The following TNS1 variants were observed in gnomAD, a reference collection of about 807,000 sequenced individuals.
TNS1 encodes the protein tensin 1.
In TNS1, 62 loss-of-function variants were observed where a neutral mutation model predicts 168.6. The observed-to-expected ratio is 0.37, with a 90% CI of 0.30 to 0.45. TNS1 has a LOEUF of 0.45. Ranked by LOEUF, TNS1 falls within the 20% of genes least tolerant of loss-of-function variation. The probability of loss-of-function intolerance (pLI) is 1.00; values close to 1 mark genes in which losing one functional copy is unlikely to be tolerated. For synonymous variants in TNS1, 934 were observed against 933.2 expected (o/e 1.00, Z -0.02); for missense variants, 2,240 against 2,339.4 (o/e 0.96, Z 0.88).
chr2:217,954,169 G>A (rs1300589540), intron 3 of TNS1, among the ~76,000 whole-genome samples: 1 of 152,206 alleles, frequency 6.6e-6, no homozygotes, highest in Non-Finnish European at 1.5e-5. Flanking sequence ...GCGAGGCAGT[G>A]CCGCATGTGG....
At chr2:217,936,891 TC>T in intron 3 of TNS1, 1 of 454,138 alleles carries the variant, frequency 2.2e-6, no homozygotes, top group Non-Finnish European at 4.4e-6. Flanking sequence ...GAAATATGAA[TC>T]CTATTTTACA....
At chr2:217,954,270 T>A (rs1575134502) in intron 3 of TNS1, among the ~76,000 whole-genome samples, 1 of 152,296 alleles carries the variant, frequency 6.6e-6, no homozygotes, top group South Asian at 2.1e-4. Flanking sequence ...TGGGTCTCCA[T>A]CTTGTTGCTA....
At chr2:217,824,961 A>T (rs778033325) in intron 22 of TNS1, among the ~76,000 whole-genome samples, 39 of 152,252 alleles carry the variant, frequency 2.6e-4, no homozygotes, top group Middle Eastern at 3.4e-3. Context: ...CTCAATCTGC[A>T]TGTGCTCCAC....
intron 24 of TNS1, among the ~76,000 whole-genome samples, 180 bp downstream of exon 24, chr2:217,817,510 C>T (rs770317478): frequency 3.3e-5 from 5 of 152,162 alleles, no homozygotes; most frequent in Non-Finnish European, 7.3e-5. Context: ...CCACAGCACA[C>T]GTATCGTAAG....
At chr2:217,907,142 C>A (rs1953808218) in intron 5 of TNS1, 68 bp downstream of exon 5, 1 of 698,934 alleles carries the variant, frequency 1.4e-6, no homozygotes, top group Middle Eastern at 2.3e-4. Context: ...AATCCACTCT[C>A]CACTTCCAGC....
intron 27 of TNS1, 52 bp from the exon 28 acceptor site, chr2:217,812,497 G>A (rs1941115929): frequency 6.7e-7 from 1 of 1,495,536 alleles, no homozygotes; most frequent in Non-Finnish European, 9.3e-7. Flanking sequence ...AAGCCAGAAG[G>A]GAAACCTCCA....
chr2:217,898,563 C>T (rs1190468316), intron 7 of TNS1, among the ~76,000 whole-genome samples: 1 of 152,242 alleles, frequency 6.6e-6, no homozygotes, highest in East Asian at 1.9e-4. Context: ...CATTCCAGCC[C>T]TCCCGGAGGC....
intron 18 of TNS1, among the ~76,000 whole-genome samples, chr2:217,853,236 A>G (rs907497133): frequency 6.6e-6 from 1 of 152,144 alleles, no homozygotes; most frequent in Non-Finnish European, 1.5e-5. Context: ...GGAGTGAAAT[A>G]AGGTAGAGGA....
At position 217,903,882 on chromosome 2, in the gene TNS1, T is replaced by C. The variant is rs187429009; in HGVS notation, c.321+2453A>G. The C allele has an allele frequency of 1.1e-3, 531 of 461,744 alleles. 4 individuals carry two copies. In the East Asian group the frequency reaches 0.012, roughly 11 times the overall value. 28.6% of individuals were successfully genotyped at this position (461,744 alleles called of 1,614,324 possible). On this transcript the variant is annotated intron_variant, in intron 6 of 32. Coordinates refer to ENST00000682258, the MANE Select transcript of TNS1 (RefSeq NM_001387777.1). ...CGTCATGAGGCAAGGAGCACGAACC[T>C]CCAGCCTTGGGTGGGGTTGGTTTGA...
At chr2:217,822,010 C>G (rs1942944749) in intron 22 of TNS1, 72 bp from the exon 23 acceptor site, 1 of 1,433,972 alleles carries the variant, frequency 7.0e-7, no homozygotes, top group East Asian at 2.7e-5. Flanking sequence ...CCCCCAACCT[C>G]CCCTGGAACA....
At chr2:217,914,424 AG>A (rs1954771430) in intron 4 of TNS1, among the ~76,000 whole-genome samples, 1 of 152,222 alleles carries the variant, frequency 6.6e-6, no homozygotes. Context: ...ACTTCTACCC[AG>A]GCAGCTCCCT....
chr2:217,987,634 G>T (rs905020848), intron 2 of TNS1, among the ~76,000 whole-genome samples: 1 of 152,182 alleles, frequency 6.6e-6, no homozygotes, highest in Non-Finnish European at 1.5e-5. Flanking sequence ...TTTCTTCAAT[G>T]TTGCAAGTCC....
intron 2 of TNS1, among the ~76,000 whole-genome samples, chr2:217,983,563 G>T (rs375388916): frequency 6.6e-6 from 1 of 152,336 alleles, no homozygotes; most frequent in East Asian, 1.9e-4. Context: ...CTGGGCTGCC[G>T]GTACTCTGTC....
At chr2:217,951,680 A>T (rs567291277) in intron 3 of TNS1, among the ~76,000 whole-genome samples, 1 of 151,990 alleles carries the variant, frequency 6.6e-6, no homozygotes, top group Non-Finnish European at 1.5e-5. Context: ...CCCATCCTCA[A>T]GGCGGCTCCC....
intron 1 of TNS1, among the ~76,000 whole-genome samples, chr2:218,018,863 G>A (rs1011956525): frequency 6.6e-6 from 1 of 152,200 alleles, no homozygotes; most frequent in African/African-American, 2.4e-5. Flanking sequence ...CAGATCACCA[G>A]GTCAGGAATT....
chr2:217,846,486 G>A (rs191853838), intron 19 of TNS1, among the ~76,000 whole-genome samples: 3 of 152,286 alleles, frequency 2.0e-5, no homozygotes, highest in Non-Finnish European at 4.4e-5. Context: ...GACAGAGACA[G>A]CTGCCCAGGC....
intron 3 of TNS1, among the ~76,000 whole-genome samples, chr2:217,958,468 G>T (rs767182949): frequency 6.6e-6 from 1 of 152,196 alleles, no homozygotes; most frequent in Non-Finnish European, 1.5e-5. Context: ...GGCGGTGGGT[G>T]GGTGGATGGC....
At chr2:217,910,713 TACACACACACACAC>T (rs10554233) in intron 4 of TNS1, among the ~76,000 whole-genome samples, 115 of 106,842 alleles carry the variant, frequency 1.1e-3, no homozygotes, top group African/African-American at 2.6e-3. Context: ...CACATACACA[TACACACACACACAC>T]ACACACACAC....
At chr2:217,907,961 C>T (rs1357381627) in intron 4 of TNS1, among the ~76,000 whole-genome samples, 1 of 152,202 alleles carries the variant, frequency 6.6e-6, no homozygotes, top group Non-Finnish European at 1.5e-5. Flanking sequence ...GCCACCCCAG[C>T]AAGTAGGATC....
Sources: allele counts gnomAD v4.1 joint callset (sites outside exome capture counted in the v4.1 genomes callset), GRCh38; gene constraint gnomAD v4.1.1; transcripts MANE v1.5; gene names NCBI Gene and HGNC (gene_info 2026-07-23, HGNC 2026-07-21).